The following BNC2 variants were observed in gnomAD, a reference collection of about 807,000 sequenced individuals.
BNC2 encodes basonuclin zinc finger protein 2.
Under a neutral mutation model 76.3 loss-of-function variants are expected in BNC2, and 20 were observed. The observed-to-expected ratio is 0.26, with a 90% CI of 0.18 to 0.38. The LOEUF is 0.38. Among genes scored for constraint, BNC2 ranks in the 10% least tolerant of loss-of-function variants. BNC2 has a pLI of 1.00. For synonymous variants in BNC2, 582 were observed against 514.8 expected (o/e 1.13, Z -1.77); for missense variants, 1,382 against 1,399.8 (o/e 0.99, Z 0.20).
intron 1 of BNC2, among the ~76,000 whole-genome samples, chr9:16,860,621 A>G (rs1819382657): frequency 6.6e-6 from 1 of 152,242 alleles, no homozygotes; most frequent in African/African-American, 2.4e-5. Flanking sequence ...GTAAATCTTC[A>G]TGATCTTGGG....
At chr9:16,857,697 T>C (rs953649471) in intron 1 of BNC2, among the ~76,000 whole-genome samples, 1 of 152,182 alleles carries the variant, frequency 6.6e-6, no homozygotes, top group African/African-American at 2.4e-5. Context: ...TAATAGTTGA[T>C]GCTGACTAAA....
At chr9:16,557,204 A>C (rs1336126296) in intron 4 of BNC2, among the ~76,000 whole-genome samples, 1 of 152,266 alleles carries the variant, frequency 6.6e-6, no homozygotes, top group South Asian at 2.1e-4. Flanking sequence ...GGTATTGTTA[A>C]GATTCATTTT....
intron 1 of BNC2, among the ~76,000 whole-genome samples, chr9:16,822,023 G>T (rs1818347186): frequency 6.6e-6 from 1 of 150,414 alleles, no homozygotes; most frequent in South Asian, 2.1e-4. Flanking sequence ...AACCCGGAAA[G>T]CGGAGCCTGC....
intron 6 of BNC2, chr9:16,435,245 G>A (rs1313307618): frequency 2.5e-5 from 11 of 435,210 alleles, no homozygotes; most frequent in African/African-American, 6.1e-5. Flanking sequence ...GCAGGGAACC[G>A]TGTACATAGT....
chr9:16,778,094 T>A (rs975779525), intron 1 of BNC2, among the ~76,000 whole-genome samples: 3 of 152,202 alleles, frequency 2.0e-5, no homozygotes, highest in African/African-American at 7.2e-5. Flanking sequence ...ATGAATTTTA[T>A]TTTCTCCTCC....
At chr9:16,755,708 C>T (rs7028827) in intron 1 of BNC2, among the ~76,000 whole-genome samples, 130,861 of 152,164 alleles carry the variant, frequency 0.86, 56,657 homozygotes, top group Non-Finnish European at 0.91. Flanking sequence ...ATAGAAACTT[C>T]AAACTTGACA....
intron 5 of BNC2, among the ~76,000 whole-genome samples, chr9:16,514,765 T>C (rs1822839421): frequency 6.6e-6 from 1 of 152,188 alleles, no homozygotes; most frequent in Non-Finnish European, 1.5e-5. Context: ...GATCCACGTC[T>C]CGATGATGAC....
At chr9:16,434,973 T>C (rs944604172) in intron 6 of BNC2, 1 of 470,902 alleles carries the variant, frequency 2.1e-6, no homozygotes, top group Non-Finnish European at 4.4e-6. Flanking sequence ...TTCACAACTC[T>C]TAAAGAATTC....
chr9:16,783,725 CTATTA>C (rs542060537), intron 1 of BNC2, among the ~76,000 whole-genome samples: 272 of 152,300 alleles, frequency 1.8e-3, no homozygotes, highest in Non-Finnish European at 3.3e-3. Flanking sequence ...ATTTAAACCA[CTATTA>C]TATTCACCTT....
At chr9:16,848,756 T>A (rs952520154) in intron 1 of BNC2, among the ~76,000 whole-genome samples, 3 of 152,200 alleles carry the variant, frequency 2.0e-5, no homozygotes, top group African/African-American at 7.2e-5. Flanking sequence ...AGGCTGAGCA[T>A]CCTAAATCCA....
chr9:16,593,724 T>G (rs1215743583), intron 3 of BNC2, among the ~76,000 whole-genome samples: 1 of 152,138 alleles, frequency 6.6e-6, no homozygotes, highest in Non-Finnish European at 1.5e-5. Context: ...TTTTACAGGC[T>G]ACTTAGGCAG....
chr9:16,751,788 T>C (rs1447111294), intron 1 of BNC2, among the ~76,000 whole-genome samples: 1 of 151,986 alleles, frequency 6.6e-6, no homozygotes, highest in Non-Finnish European at 1.5e-5. Flanking sequence ...CTCAGCACTT[T>C]GGAGGCCGAG....
chr9:16,810,272 C>A (rs562645531), intron 1 of BNC2, among the ~76,000 whole-genome samples: 2 of 152,180 alleles, frequency 1.3e-5, no homozygotes, highest in African/African-American at 4.8e-5. Context: ...CATATTTTCT[C>A]CCCGTTCATT....
In BNC2 at chr9:16,728,005, G is replaced by A. The variant is rs974162281; in HGVS notation, c.130-8C>T. 14 of 1,611,374 alleles carry A rather than the reference G, an allele frequency of 8.7e-6. No individual in the cohort carries two copies. Among genetic ancestry groups the A allele is most frequent in the Non-Finnish European group, 1.2e-5 (14 of 1,179,088 alleles). On this transcript the variant is annotated splice_region_variant and splice_polypyrimidine_tract_variant and intron_variant, in intron 2 of 6. Transcript: ENST00000380672. ...CACTTCTGCCTCTTCTGACTGAAAA[G>A]TGAAGGTGGATTTTTTGAGCCTCTT...
chr9:16,440,243 C>G (rs913073693), intron 5 of BNC2, among the ~76,000 whole-genome samples: 7 of 152,172 alleles, frequency 4.6e-5, no homozygotes, highest in African/African-American at 1.4e-4. Flanking sequence ...CACAAAAATT[C>G]TGACTCTAAG....
At chr9:16,471,434 C>T (rs1045782607) in intron 5 of BNC2, among the ~76,000 whole-genome samples, 1 of 152,054 alleles carries the variant, frequency 6.6e-6, no homozygotes, top group African/African-American at 2.4e-5. Context: ...GCTGGGACTA[C>T]AGGCATGCAC....
At chr9:16,551,577 G>A (rs1818664348) in intron 5 of BNC2, among the ~76,000 whole-genome samples, 1 of 152,176 alleles carries the variant, frequency 6.6e-6, no homozygotes, top group African/African-American at 2.4e-5. Flanking sequence ...TATCCTCATG[G>A]GAAATTTGAA....
intron 3 of BNC2, among the ~76,000 whole-genome samples, chr9:16,646,046 C>T (rs1323690843): frequency 6.6e-6 from 1 of 152,216 alleles, no homozygotes; most frequent in East Asian, 1.9e-4. Flanking sequence ...AGAATCCTCA[C>T]TTGTACACAG....
rs79493783 is a variant in BNC2, at chr9:16,680,966, C to A, written c.330+46831G>T. ...TCAAACCAAATAAGTTGAATTTTCT[C>A]CCTCTTAGATGGCTTTTTAAATTCT... is the stretch of plus-strand genomic sequence containing the variant. On this transcript the variant is annotated intron_variant, in intron 3 of 6. Transcript: ENST00000380672. Among the ~76,000 whole-genome samples the A allele has an allele frequency of 7.7e-3, 1,168 of 152,266 alleles. 16 individuals carry two copies. Among genetic ancestry groups the A allele is most frequent in the African/African-American group, 0.026 (1,074 of 41,532 alleles).
Sources: allele counts gnomAD v4.1 joint callset (sites outside exome capture counted in the v4.1 genomes callset), GRCh38; gene constraint gnomAD v4.1.1; transcripts MANE v1.5; gene names NCBI Gene and HGNC (gene_info 2026-07-23, HGNC 2026-07-21).